The following SCHIP1 variants were observed in gnomAD, a reference collection of about 807,000 sequenced individuals.
SCHIP1 encodes schwannomin-interacting protein 1.
SCHIP1 carries 8 observed loss-of-function variants against 29.7 expected under a neutral mutation model. The observed-to-expected ratio is 0.27, with a 90% confidence interval of 0.16 to 0.49. The LOEUF is 0.49. SCHIP1 is among the 20% of genes least tolerant of loss of function. SCHIP1 has a pLI of 0.99. For synonymous variants in SCHIP1, 76 were observed against 94.9 expected (o/e 0.80, Z 1.16); for missense variants, 193 against 294.6 (o/e 0.66, Z 2.52).
chr3:159,834,421 T>C, the SCHIP1 span, among the ~76,000 whole-genome samples: 3 of 152,206 alleles, frequency 2.0e-5, no homozygotes, highest in Admixed American at 2.0e-4. Context: ...ATCTAGTCAT[T>C]TGTGTACTGC....
the SCHIP1 span, among the ~76,000 whole-genome samples, chr3:159,738,648 A>G: frequency 3.3e-5 from 5 of 152,224 alleles, no homozygotes; most frequent in Non-Finnish European, 5.9e-5. Flanking sequence ...ATGTATCCCC[A>G]GGCAATGGGG....
the SCHIP1 span, among the ~76,000 whole-genome samples, chr3:159,394,935 C>A: frequency 6.6e-6 from 1 of 152,088 alleles, no homozygotes; most frequent in East Asian, 1.9e-4. Flanking sequence ...GCTGTGAATC[C>A]GTCTGGGCCT....
chr3:159,467,692 G>T, the SCHIP1 span, among the ~76,000 whole-genome samples: 1 of 151,930 alleles, frequency 6.6e-6, no homozygotes, highest in African/African-American at 2.4e-5. Context: ...TCAAATTGAG[G>T]TGTTTTTATT....
the SCHIP1 span, among the ~76,000 whole-genome samples, chr3:159,528,658 G>A: frequency 3.9e-5 from 6 of 152,060 alleles, no homozygotes; most frequent in African/African-American, 1.4e-4. Context: ...CGTTTTTTGG[G>A]CCATATCAGC....
chr3:159,627,424 C>G, the SCHIP1 span, among the ~76,000 whole-genome samples: 3 of 152,222 alleles, frequency 2.0e-5, no homozygotes, highest in South Asian at 6.2e-4. Flanking sequence ...CTGCCAGACA[C>G]TATTCTCAGC....
At chr3:159,626,140 A>C in the SCHIP1 span, among the ~76,000 whole-genome samples, 2,267 of 105,238 alleles carry the variant, frequency 0.022, 188 homozygotes, top group African/African-American at 0.12. Context: ...ATAGATAGAT[A>C]TATCTAGATA....
the SCHIP1 span, among the ~76,000 whole-genome samples, chr3:159,647,726 T>C: frequency 1.2e-4 from 18 of 152,214 alleles, no homozygotes; most frequent in Admixed American, 1.2e-3. Context: ...ACTGTTCATT[T>C]TCCTTCATCT....
At chr3:159,547,944 T>C in the SCHIP1 span, among the ~76,000 whole-genome samples, 1 of 152,216 alleles carries the variant, frequency 6.6e-6, no homozygotes, top group Admixed American at 6.6e-5. Context: ...AATCATATGA[T>C]TTTCTGTAGT....
the SCHIP1 span, among the ~76,000 whole-genome samples, chr3:159,419,314 G>A: frequency 6.6e-6 from 1 of 152,164 alleles, no homozygotes; most frequent in African/African-American, 2.4e-5. Context: ...GAAGCACCTA[G>A]CACAAGGTTT....
the SCHIP1 span, among the ~76,000 whole-genome samples, chr3:159,785,681 A>G: frequency 6.6e-6 from 1 of 152,120 alleles, no homozygotes; most frequent in Admixed American, 6.5e-5. Flanking sequence ...GTAATTTGAA[A>G]CAAGTAATTC....
the SCHIP1 span, among the ~76,000 whole-genome samples, chr3:159,541,741 G>A: frequency 6.6e-6 from 1 of 152,078 alleles, no homozygotes; most frequent in Non-Finnish European, 1.5e-5. Flanking sequence ...GATCACAAAT[G>A]TATTAGAACT....
chr3:159,553,852 G>A, the SCHIP1 span, among the ~76,000 whole-genome samples: 7 of 152,144 alleles, frequency 4.6e-5, no homozygotes, highest in Non-Finnish European at 8.8e-5. Flanking sequence ...CCAGGCTGGA[G>A]TGCAGTGGTG....
chr3:159,877,417 T>C (rs752929409), intron 2 of SCHIP1, among the ~76,000 whole-genome samples: 3 of 152,214 alleles, frequency 2.0e-5, no homozygotes, highest in African/African-American at 4.8e-5. Flanking sequence ...GCAATCTTAT[T>C]GATCCACTGC....
At chr3:159,775,634 T>A in the SCHIP1 span, among the ~76,000 whole-genome samples, 1 of 152,138 alleles carries the variant, frequency 6.6e-6, no homozygotes, top group Admixed American at 6.5e-5. Flanking sequence ...CCAGGCCCAC[T>A]CTTGTACTGT....
the SCHIP1 span, among the ~76,000 whole-genome samples, chr3:159,574,445 G>A: frequency 2.0e-5 from 3 of 152,218 alleles, no homozygotes; most frequent in Non-Finnish European, 4.4e-5. Flanking sequence ...AGAGGCTTCA[G>A]AACAGCAAAT....
the SCHIP1 span, among the ~76,000 whole-genome samples, chr3:159,469,198 A>C: frequency 1.3e-5 from 2 of 152,192 alleles, no homozygotes; most frequent in African/African-American, 4.8e-5. Flanking sequence ...ATATTAAGCC[A>C]AAATGTGAAA....
chr3:159,300,881 GT>G, the SCHIP1 span, among the ~76,000 whole-genome samples: 2 of 152,012 alleles, frequency 1.3e-5, no homozygotes, highest in Non-Finnish European at 2.9e-5. Flanking sequence ...CCTCCTTAAA[GT>G]TTTTGCAGAT....
At chr3:159,546,628 T>G in the SCHIP1 span, among the ~76,000 whole-genome samples, 1 of 152,196 alleles carries the variant, frequency 6.6e-6, no homozygotes, top group Non-Finnish European at 1.5e-5. Flanking sequence ...TGTGTCCACG[T>G]GTTCTCATTG....
At chr3:159,689,709 A>T in the SCHIP1 span, among the ~76,000 whole-genome samples, 1 of 152,158 alleles carries the variant, frequency 6.6e-6, no homozygotes, top group Non-Finnish European at 1.5e-5. Flanking sequence ...GCTTTTGCCC[A>T]TTCAGTATGA....
Sources: gnomAD v4.1 joint callset for allele counts (sites outside exome capture counted in the v4.1 genomes callset) on GRCh38, gnomAD v4.1.1 for gene constraint, MANE v1.5 for transcripts, NCBI Gene and HGNC (gene_info 2026-07-23, HGNC 2026-07-21) for gene names.